Variants in SSX2IP observed in about 807,000 individuals in gnomAD.
SSX2IP encodes the protein SSX family member 2 interacting protein.
Under a neutral mutation model 84.9 loss-of-function variants are expected in SSX2IP, and 55 were observed. The ratio of observed to expected loss-of-function variants is 0.65; its 90% CI spans 0.52 to 0.81. The LOEUF (loss-of-function observed/expected upper bound fraction) is 0.81, where lower values mean the gene tolerates loss of function less well. Among genes scored for constraint, SSX2IP ranks in the 30% least tolerant of loss-of-function variants. The pLI is 0.00. For synonymous variants in SSX2IP, 239 were observed against 234.7 expected (o/e 1.02, Z -0.17); for missense variants, 664 against 705.2 (o/e 0.94, Z 0.66).
At chr1:84,684,792 ACTT>A (rs762692582) in intron 1 of SSX2IP, among the ~76,000 whole-genome samples, 4 of 152,198 alleles carry the variant, frequency 2.6e-5, no homozygotes, top group Non-Finnish European at 4.4e-5. Context: ...TAATCAGAAA[ACTT>A]CAGTGACACA....
intron 7 of SSX2IP, 27 bp downstream of exon 7, chr1:84,662,428 C>T: frequency 6.2e-7 from 1 of 1,612,262 alleles, no homozygotes; most frequent in Non-Finnish European, 8.5e-7. Flanking sequence ...AGTCTGATTA[C>T]ATTTATCAAT....
chr1:84,650,678 T>G, intron 12 of SSX2IP, 151 bp from the exon 13 acceptor site: 2 of 873,408 alleles, frequency 2.3e-6, no homozygotes, highest in South Asian at 3.3e-5. Context: ...TTGCTTATCT[T>G]TGTTGCATAG....
rs963252843 is a variant in SSX2IP at position 84,646,307 on chromosome 1, A to C, written c.*1126T>G. 3.3e-5 allele frequency: 5 copies of C among 152,734 alleles called. No homozygotes were observed. The highest frequency in any genetic ancestry group is 4.1e-4 in the South Asian group (2 of 4,832). 9.5% of individuals were successfully genotyped at this position (152,734 alleles called of 1,614,324 possible). On this transcript the variant is annotated 3_prime_UTR_variant, in exon 14 of 14. Coordinates refer to ENST00000342203, the MANE Select transcript of SSX2IP (RefSeq NM_001166293.2). ...TTCATGAAGAAACATGCAATCAGAA[A>C]CATTACAGAGACTGAAGAGAGCTTA...
intron 1 of SSX2IP, among the ~76,000 whole-genome samples, chr1:84,688,391 T>C (rs1254790369): frequency 6.6e-6 from 1 of 152,212 alleles, no homozygotes. Context: ...TCACAGCTAT[T>C]GTAAAAGATA....
chr1:84,664,579 C>T, intron 5 of SSX2IP, 27 bp from the exon 6 acceptor site: 4 of 1,523,412 alleles, frequency 2.6e-6, no homozygotes, highest in Non-Finnish European at 3.5e-6. Flanking sequence ...CTATTATAAG[C>T]CCAGTAACGA....
Position 84,680,537 on chromosome 1 carries a change from A to G in SSX2IP, c.-89-9229T>C, listed in dbSNP as rs1654930868. On this transcript the variant is annotated intron_variant, in intron 1 of 13. Transcript: ENST00000342203. ...GTCATGGGTACATGGTAAGTGCTCAATAAATGCTAGCTATTATTAGCTATT... is the reference window on the plus strand; with the variant it reads ...GTCATGGGTACATGGTAAGTGCTCAGTAAATGCTAGCTATTATTAGCTATT... 3 of 152,228 alleles carry G rather than the reference A, an allele frequency of 2.0e-5. No homozygotes were observed. The South Asian group carries it at 6.2e-4, about 32-fold the overall frequency. 9.4% of individuals were successfully genotyped at this position (152,228 alleles called of 1,614,324 possible).
intron 8 of SSX2IP, 145 bp downstream of exon 8, chr1:84,662,053 G>C (rs1489765517): frequency 1.7e-6 from 1 of 581,132 alleles, no homozygotes; most frequent in Non-Finnish European, 3.0e-6. Context: ...AGTCTTTTCA[G>C]TTGTCACAGT....
intron 11 of SSX2IP, chr1:84,655,549 G>C (rs1436213512): frequency 2.2e-6 from 3 of 1,377,890 alleles, no homozygotes; most frequent in Non-Finnish European, 2.9e-6. Flanking sequence ...ATACCCAAAA[G>C]AGATTTCTTG....
In SSX2IP at chr1:84,670,597, C is replaced by T. The variant is rs1557506836; in HGVS notation, c.213+49G>A. 4 of 1,313,458 alleles carry T rather than the reference C, an allele frequency of 3.0e-6. No homozygotes were observed. In the African/African-American group the frequency reaches 5.9e-5, roughly 20 times the overall value. 81.4% of individuals were successfully genotyped at this position (1,313,458 alleles called of 1,614,324 possible). Reference sequence around the variant, plus strand: ...GTTTTTCTCATAATTTTGATACATTCTATTATATAACATGATTTATGCTAC... The same window carrying T: ...GTTTTTCTCATAATTTTGATACATTTTATTATATAACATGATTTATGCTAC... On this transcript the variant is annotated intron_variant, in intron 3 of 13. Coordinates refer to ENST00000342203, the MANE Select transcript of SSX2IP (RefSeq NM_001166293.2).
intron 11 of SSX2IP, among the ~76,000 whole-genome samples, chr1:84,654,013 C>T (rs967228914): frequency 2.0e-5 from 3 of 152,006 alleles, no homozygotes; most frequent in African/African-American, 7.2e-5. Flanking sequence ...CCTGAAAGGC[C>T]AGTTTCGTGA....
At chr1:84,668,704 A>G (rs1295158723) in intron 4 of SSX2IP, among the ~76,000 whole-genome samples, 6 of 152,176 alleles carry the variant, frequency 3.9e-5, no homozygotes, top group African/African-American at 9.6e-5. Flanking sequence ...TTCTATAGAC[A>G]GGTCCTATTA....
rs1327084928 is a variant in SSX2IP at position 84,643,937 on chromosome 1, T to C, written c.*3496A>G. ...ATTTCATATAAATCAAATAATTTAA[T>C]CAATATCCACCCACTCTAATTTACA... On this transcript the variant is annotated 3_prime_UTR_variant, in exon 14 of 14. Transcript: ENST00000342203. 1.3e-5 allele frequency: 2 copies of C among 152,154 alleles called. No individual in the cohort carries two copies. Among genetic ancestry groups the C allele is most frequent in the Non-Finnish European group, 2.9e-5 (2 of 68,020 alleles). The allele number at this position is 152,154 out of a possible 1,614,324, so 9.4% of individuals were successfully genotyped here.
At chr1:84,657,934 G>C (rs564433074) in intron 9 of SSX2IP, among the ~76,000 whole-genome samples, 5 of 152,198 alleles carry the variant, frequency 3.3e-5, no homozygotes, top group African/African-American at 1.2e-4. Context: ...AGGAGTTCAA[G>C]ATAAGCCTGG....
chr1:84,683,966 T>C (rs1247619225), intron 1 of SSX2IP, among the ~76,000 whole-genome samples: 4 of 152,224 alleles, frequency 2.6e-5, no homozygotes, highest in Admixed American at 1.3e-4. Flanking sequence ...GTCTATCAAC[T>C]TTTAAGGTTA....
rs1481539303 is a variant in SSX2IP at position 84,651,934 on chromosome 1, A to G, written c.1453T>C (p.Phe485Leu). The G allele has an allele frequency of 1.2e-6, 2 of 1,613,870 alleles. No homozygotes were observed. The highest frequency in any genetic ancestry group is 1.7e-6 in the Non-Finnish European group (2 of 1,179,916). ...ACATTTTCTGAGTTCTGGTGGTCAA[A>G]GGTAGTCATATTTAGAAACTGCTGC... ...LKQQFLNMTT[F>L]DHQNSENVKL... Residue 485 changes from phenylalanine (F) to leucine (L), a missense_variant, in exon 12 of 14, where the codon TTT (phenylalanine) becomes CTT (leucine). Transcript: ENST00000342203.
At chr1:84,671,653 G>A (rs1454850571) in intron 1 of SSX2IP, among the ~76,000 whole-genome samples, 2 of 152,078 alleles carry the variant, frequency 1.3e-5, no homozygotes, top group African/African-American at 4.8e-5. Context: ...ATATAGATAA[G>A]ATGATGAAAA....
At chr1:84,664,337 G>T in intron 6 of SSX2IP, 80 bp downstream of exon 6, 1 of 1,277,978 alleles carries the variant, frequency 7.8e-7, no homozygotes, top group Non-Finnish European at 1.0e-6. Context: ...GTGAGTTACT[G>T]TGTTCAATCC....
intron 1 of SSX2IP, among the ~76,000 whole-genome samples, chr1:84,688,271 A>T (rs1045073552): frequency 6.6e-6 from 1 of 152,222 alleles, no homozygotes; most frequent in Non-Finnish European, 1.5e-5. Flanking sequence ...GATAACTTGT[A>T]CCTTCACTAC....
chr1:84,648,365 G>A (rs531415540), intron 13 of SSX2IP, among the ~76,000 whole-genome samples: 13 of 152,176 alleles, frequency 8.5e-5, no homozygotes, highest in South Asian at 2.1e-4. Context: ...TCTATGCCAC[G>A]GATGTTGTTT....
Sources: allele counts gnomAD v4.1 joint callset (sites outside exome capture counted in the v4.1 genomes callset), GRCh38; gene constraint gnomAD v4.1.1; transcripts MANE v1.5; gene names NCBI Gene and HGNC (gene_info 2026-07-23, HGNC 2026-07-21).